Variants in NRG1 observed in about 807,000 individuals in gnomAD.
NRG1 encodes neuregulin 1.
NRG1 carries 18 observed loss-of-function variants against 63.8 expected under a neutral mutation model. The ratio of observed to expected loss-of-function variants is 0.28; its 90% CI spans 0.19 to 0.42. The LOEUF is 0.42. Ranked by LOEUF, NRG1 falls within the 10% of genes least tolerant of loss-of-function variation. The probability of loss-of-function intolerance (pLI) is 1.00; values close to 1 mark genes in which losing one functional copy is unlikely to be tolerated. For synonymous variants in NRG1, 302 were observed against 301.3 expected, an observed-to-expected ratio of 1.00 and a Z score of -0.02; for missense variants, 762 against 814.7, an observed-to-expected ratio of 0.94 and a Z score of 0.79.
chr8:32,491,032 C>A (rs886904100), intron 1 of NRG1, among the ~76,000 whole-genome samples: 4 of 152,130 alleles, frequency 2.6e-5, no homozygotes, highest in African/African-American at 9.7e-5. Context: ...CTTGAGAGAA[C>A]TAATTTTTCC....
chr8:31,821,130 A>G (rs1253414458), intron 1 of NRG1, among the ~76,000 whole-genome samples: 1 of 152,220 alleles, frequency 6.6e-6, no homozygotes, highest in Non-Finnish European at 1.5e-5. Flanking sequence ...TGTTTAGGGA[A>G]TATGACAAGA....
At chr8:32,642,102 A>C (rs1852516096) in intron 5 of NRG1, among the ~76,000 whole-genome samples, 2 of 152,218 alleles carry the variant, frequency 1.3e-5, no homozygotes, top group Admixed American at 1.3e-4. Context: ...AAAATTTGAT[A>C]AGGAAGTATC....
intron 1 of NRG1, among the ~76,000 whole-genome samples, chr8:31,862,782 C>A (rs1210185717): frequency 6.6e-6 from 1 of 152,136 alleles, no homozygotes; most frequent in Non-Finnish European, 1.5e-5. Context: ...ATTCCGATAA[C>A]AAGAGCTTGA....
intron 1 of NRG1, among the ~76,000 whole-genome samples, chr8:31,947,501 G>C (rs1802764333): frequency 6.6e-6 from 1 of 152,030 alleles, no homozygotes; most frequent in African/African-American, 2.4e-5. Context: ...CTCTGGGCCA[G>C]GTATTCTTTG....
At chr8:31,826,436 C>T (rs1824569392) in intron 1 of NRG1, among the ~76,000 whole-genome samples, 1 of 152,174 alleles carries the variant, frequency 6.6e-6, no homozygotes, top group African/African-American at 2.4e-5. Flanking sequence ...TACACATGCT[C>T]CCTCTTTCCT....
intron 1 of NRG1, among the ~76,000 whole-genome samples, chr8:32,390,691 C>G (rs11996345): frequency 6.6e-6 from 1 of 151,930 alleles, no homozygotes; most frequent in East Asian, 1.9e-4. Flanking sequence ...TTATCTGCTC[C>G]CACAATGCCC....
intron 1 of NRG1, among the ~76,000 whole-genome samples, chr8:32,129,451 C>A (rs1834521600): frequency 6.6e-6 from 1 of 151,936 alleles, no homozygotes; most frequent in African/African-American, 2.4e-5. Flanking sequence ...ATATAGCATT[C>A]CTCCTGCATG....
intron 1 of NRG1, among the ~76,000 whole-genome samples, chr8:32,456,620 C>T (rs1821629060): frequency 6.6e-6 from 1 of 152,150 alleles, no homozygotes; most frequent in Non-Finnish European, 1.5e-5. Flanking sequence ...GCTTACTTTA[C>T]TGTAAGAATA....
intron 1 of NRG1, among the ~76,000 whole-genome samples, chr8:32,463,531 G>A (rs1473658572): frequency 6.6e-6 from 1 of 152,042 alleles, no homozygotes; most frequent in Admixed American, 6.6e-5. Flanking sequence ...AATTATGAAT[G>A]GGAAAAATTA....
At chr8:32,725,464 A>ATTTTTT (rs71209904) in intron 5 of NRG1, among the ~76,000 whole-genome samples, 1,472 of 67,580 alleles carry the variant, frequency 0.022, 109 homozygotes, top group Middle Eastern at 0.037. Flanking sequence ...AAACTTCCTA[A>ATTTTTT]TTTTTTTTTT....
intron 1 of NRG1, among the ~76,000 whole-genome samples, chr8:31,763,907 G>A (rs903601748): frequency 6.6e-6 from 1 of 151,166 alleles, no homozygotes; most frequent in East Asian, 2.0e-4. Context: ...CCAAGATCGC[G>A]CCACCACACT....
intron 1 of NRG1, among the ~76,000 whole-genome samples, chr8:31,792,242 T>C (rs1820788732): frequency 6.6e-6 from 1 of 152,222 alleles, no homozygotes; most frequent in Non-Finnish European, 1.5e-5. Flanking sequence ...CTTTTTCTCT[T>C]TTCCTAGCTG....
chr8:31,721,220 T>TA (rs543311045), intron 1 of NRG1, among the ~76,000 whole-genome samples: 23 of 152,196 alleles, frequency 1.5e-4, no homozygotes, highest in Non-Finnish European at 3.1e-4. Flanking sequence ...TATATGGGAA[T>TA]AAAAAAATCT....
intron 5 of NRG1, among the ~76,000 whole-genome samples, chr8:32,694,194 C>T (rs1484131685): frequency 6.6e-6 from 1 of 152,136 alleles, no homozygotes; most frequent in Non-Finnish European, 1.5e-5. Flanking sequence ...TTAAAACTCA[C>T]GTTTTAAAAA....
chr8:32,211,370 T>A (rs1056661418), intron 1 of NRG1, among the ~76,000 whole-genome samples: 1 of 152,210 alleles, frequency 6.6e-6, no homozygotes, highest in Non-Finnish European at 1.5e-5. Context: ...GAAACAGTGT[T>A]CCCATGTAAA....
chr8:32,759,456 C>T lies in NRG1; in HGVS notation c.1052+20C>T. On this transcript the variant is annotated intron_variant, in intron 10 of 11. Transcript: ENST00000356819. ...CCACAGGTATGAGAATTTAAAAATT[C>T]CACGGCTTTTCTCTCAGAATGAATT... is the stretch of plus-strand genomic sequence containing the variant. 1.9e-6 allele frequency: 3 copies of T among 1,608,072 alleles called. No individual in the cohort carries two copies. Among genetic ancestry groups the T allele is most frequent in the Non-Finnish European group, 2.5e-6 (3 of 1,177,184 alleles).
intron 1 of NRG1, among the ~76,000 whole-genome samples, chr8:31,674,155 A>G (rs747786702): frequency 1.3e-5 from 2 of 152,184 alleles, no homozygotes; most frequent in Non-Finnish European, 2.9e-5. Context: ...TGCAGTTACT[A>G]CATTTTATTT....
At chr8:32,141,614 A>ATATATG (rs1836282454) in intron 1 of NRG1, among the ~76,000 whole-genome samples, 1 of 138,520 alleles carries the variant, frequency 7.2e-6, no homozygotes, top group Admixed American at 7.2e-5. Context: ...ATATATATAT[A>ATATATG]TATATATATA....
intron 1 of NRG1, among the ~76,000 whole-genome samples, chr8:32,444,810 G>A (rs1436181673): frequency 6.6e-6 from 1 of 152,178 alleles, no homozygotes; most frequent in East Asian, 1.9e-4. Context: ...AGGCCACCTT[G>A]GAAAATGTCA....
Sources: allele counts gnomAD v4.1 joint callset (sites outside exome capture counted in the v4.1 genomes callset), GRCh38; gene constraint gnomAD v4.1.1; transcripts MANE v1.5; gene names NCBI Gene and HGNC (gene_info 2026-07-23, HGNC 2026-07-21).